The following VPS13B variants were observed in gnomAD, a reference collection of about 807,000 sequenced individuals.
VPS13B encodes intermembrane lipid transfer protein VPS13B.
In VPS13B, 285 loss-of-function variants were observed where a neutral mutation model predicts 426.4. That is an observed-to-expected ratio of 0.67 (90% CI 0.61 to 0.74). The LOEUF (loss-of-function observed/expected upper bound fraction) is 0.74. Among genes scored for constraint, VPS13B ranks in the 30% least tolerant of loss-of-function variants. The pLI is 0.00. For missense variants in VPS13B, 4,537 were observed against 4,782.6 expected (o/e 0.95, Z 1.51); for synonymous variants, 1,676 against 1,676.4 (o/e 1.00, Z 0.01).
chr8:99,662,557 C>T (rs148703562), intron 35 of VPS13B, among the ~76,000 whole-genome samples: 22 of 152,266 alleles, frequency 1.4e-4, no homozygotes, highest in South Asian at 4.1e-4. Flanking sequence ...AGCAATTCTC[C>T]TGCTTCAGCC....
chr8:99,246,683 T>C (rs1817235866), intron 17 of VPS13B, among the ~76,000 whole-genome samples: 1 of 152,066 alleles, frequency 6.6e-6, no homozygotes. Context: ...TTGGCTAACA[T>C]AGTGAAACTC....
At chr8:99,092,194 T>C (rs1267679062) in intron 3 of VPS13B, 1 of 152,210 alleles carries the variant, frequency 6.6e-6, no homozygotes, top group Non-Finnish European at 1.5e-5. Context: ...GCCACACATT[T>C]TTCCTCTGTT....
chr8:99,031,280 C>T (rs973608857), intron 2 of VPS13B, among the ~76,000 whole-genome samples: 1 of 152,152 alleles, frequency 6.6e-6, no homozygotes, highest in Non-Finnish European at 1.5e-5. Flanking sequence ...TTGAATTTCT[C>T]ATTCAGATCA....
intron 35 of VPS13B, among the ~76,000 whole-genome samples, chr8:99,665,807 T>C (rs2129820593): frequency 1.3e-5 from 2 of 152,284 alleles, no homozygotes; most frequent in South Asian, 4.1e-4. Context: ...TGCGGGCTCT[T>C]TTTTGGTTCC....
chr8:99,305,045 G>A (rs1459712746), intron 19 of VPS13B, among the ~76,000 whole-genome samples: 1 of 152,026 alleles, frequency 6.6e-6, no homozygotes, highest in African/African-American at 2.4e-5. Context: ...AATTTTTAGT[G>A]CATAGAAAGC....
At chr8:99,487,242 G>A (rs1243191063) in intron 25 of VPS13B, among the ~76,000 whole-genome samples, 1 of 151,988 alleles carries the variant, frequency 6.6e-6, no homozygotes, top group East Asian at 1.9e-4. Context: ...AGCACTTTTC[G>A]GTATTAAATT....
At chr8:99,416,859 A>G (rs563562876) in intron 21 of VPS13B, among the ~76,000 whole-genome samples, 3 of 152,250 alleles carry the variant, frequency 2.0e-5, no homozygotes, top group Non-Finnish European at 4.4e-5. Context: ...TGCTGTTCCT[A>G]TTCGGCCATC....
At chr8:99,147,242 G>T (rs199943421) in intron 13 of VPS13B, among the ~76,000 whole-genome samples, 1 of 152,080 alleles carries the variant, frequency 6.6e-6, no homozygotes, top group Admixed American at 6.5e-5. Flanking sequence ...CTCCCGAGTA[G>T]CTGGGATTAC....
intron 17 of VPS13B, among the ~76,000 whole-genome samples, chr8:99,232,792 T>C (rs1816410421): frequency 1.3e-5 from 2 of 152,126 alleles, no homozygotes; most frequent in African/African-American, 4.8e-5. Flanking sequence ...GTGAAGTGGA[T>C]TGCTGAAGCT....
intron 17 of VPS13B, among the ~76,000 whole-genome samples, chr8:99,238,346 T>C (rs1816748044): frequency 6.6e-6 from 1 of 152,114 alleles, no homozygotes; most frequent in African/African-American, 2.4e-5. Context: ...TAGTATTTAC[T>C]ATTTTCAGAT....
chr8:99,418,482 T>G (rs1816169972), intron 21 of VPS13B, among the ~76,000 whole-genome samples: 3 of 147,894 alleles, frequency 2.0e-5, no homozygotes, highest in African/African-American at 5.1e-5. Flanking sequence ...TTTCTTTCTT[T>G]CTTTCTTTCT....
In VPS13B at chr8:99,855,351, C is replaced by T. The variant is rs192631258; in HGVS notation, c.10867+1095C>T. The stretch of plus-strand genomic sequence containing the variant: ...GAGCTATGATCACATCACTACACTC[C>T]AGCCGGGGTGACAGAGCAAGACCTT... On this transcript the variant is annotated intron_variant, in intron 56 of 61. Transcript: ENST00000357162. Among the ~76,000 whole-genome samples the T allele has an allele frequency of 6.0e-4, 91 of 152,290 alleles. 1 individual carries two copies. The East Asian group carries it at 0.014, about 24-fold the overall frequency.
At chr8:99,732,745 G>T (rs540881002) in intron 39 of VPS13B, among the ~76,000 whole-genome samples, 1 of 152,228 alleles carries the variant, frequency 6.6e-6, no homozygotes, top group Non-Finnish European at 1.5e-5. Flanking sequence ...AGAATTTGTA[G>T]ATAACACTTA....
chr8:99,495,999 A>G (rs1820861321), intron 25 of VPS13B, among the ~76,000 whole-genome samples: 1 of 152,178 alleles, frequency 6.6e-6, no homozygotes, highest in Admixed American at 6.5e-5. Flanking sequence ...TGAGGAATTT[A>G]TAATATTAGT....
intron 21 of VPS13B, among the ~76,000 whole-genome samples, chr8:99,425,587 T>C (rs1816650915): frequency 6.6e-6 from 1 of 152,206 alleles, no homozygotes; most frequent in Admixed American, 6.5e-5. Context: ...GAGCTATTTA[T>C]GACAAACCCA....
intron 31 of VPS13B, among the ~76,000 whole-genome samples, chr8:99,566,836 A>G (rs1825215228): frequency 6.6e-6 from 1 of 152,214 alleles, no homozygotes; most frequent in South Asian, 2.1e-4. Flanking sequence ...TGTAACTTTT[A>G]TACATTATCC....
At chr8:99,649,984 A>G (rs1219125664) in intron 34 of VPS13B, among the ~76,000 whole-genome samples, 1 of 152,042 alleles carries the variant, frequency 6.6e-6, no homozygotes, top group East Asian at 1.9e-4. Context: ...TCAGGTATTT[A>G]TTTGCTTTTT....
chr8:99,206,792 T>C (rs575619376), intron 17 of VPS13B, among the ~76,000 whole-genome samples: 1 of 152,284 alleles, frequency 6.6e-6, no homozygotes, highest in Non-Finnish European at 1.5e-5. Flanking sequence ...AGGAAAAAGA[T>C]TGAGGTATAT....
chr8:99,102,847 T>C, intron 4 of VPS13B, 106 bp from the exon 5 acceptor site: 2 of 1,165,910 alleles, frequency 1.7e-6, no homozygotes, highest in Non-Finnish European at 2.5e-6. Context: ...GGAAATATGC[T>C]AAATAATAAC....
Sources: allele counts gnomAD v4.1 joint callset (sites outside exome capture counted in the v4.1 genomes callset), GRCh38; gene constraint gnomAD v4.1.1; transcripts MANE v1.5; gene names NCBI Gene and HGNC (gene_info 2026-07-23, HGNC 2026-07-21).